The following KATNIP variants were observed in gnomAD, a reference collection of about 807,000 sequenced individuals.
KATNIP encodes katanin-interacting protein.
KATNIP carries 126 observed loss-of-function variants against 174.0 expected under a neutral mutation model. The observed-to-expected ratio is 0.72, with a 90% confidence interval of 0.63 to 0.84. The LOEUF (loss-of-function observed/expected upper bound fraction) is 0.84, where lower values mean the gene tolerates loss of function less well. Ranked by LOEUF, KATNIP falls within the 40% of genes least tolerant of loss-of-function variation. KATNIP has a pLI of 0.00. For missense variants in KATNIP, 1,958 were observed against 2,109.7 expected, an observed-to-expected ratio of 0.93 and a Z score of 1.41; for synonymous variants, 810 against 835.7, an observed-to-expected ratio of 0.97 and a Z score of 0.53.
intron 2 of KATNIP, among the ~76,000 whole-genome samples, chr16:27,592,270 C>CT (rs71137799): frequency 0.024 from 1,086 of 44,822 alleles, 119 homozygotes; most frequent in Non-Finnish European, 0.032. Flanking sequence ...GCATATATTA[C>CT]TTTTTTTTTT....
At position 27,700,917 on chromosome 16, in the gene KATNIP, C is replaced by G. The variant is rs946142277; in HGVS notation, c.1180-672C>G. On this transcript the variant is annotated intron_variant, in intron 10 of 27. Coordinates refer to ENST00000261588, the MANE Select transcript of KATNIP (RefSeq NM_015202.5). ...GTTTCTGACAGGCCTGCAGTAACTGCCCAGGTCCGGAATTTCTGAATGACC... is the reference window on the plus strand; with the variant it reads ...GTTTCTGACAGGCCTGCAGTAACTGGCCAGGTCCGGAATTTCTGAATGACC... 5.3e-5 allele frequency among the ~76,000 whole-genome samples: 8 copies of G among 152,134 alleles called. 1 individual carries two copies. The highest frequency in any genetic ancestry group is 5.2e-4 in the Admixed American group (8 of 15,284).
rs985154797 is a variant in KATNIP, at chr16:27,780,213, G to A, written c.*1584G>A. 6.6e-6 allele frequency: 1 copy of A among 152,076 alleles called. No individual in the cohort carries two copies. The highest frequency in any genetic ancestry group is 2.4e-5 in the African/African-American group (1 of 41,392). The allele number at this position is 152,076 out of a possible 1,614,324, so 9.4% of individuals were successfully genotyped here. A position where few individuals can be genotyped will look rare whatever the true frequency, so the allele number is the denominator to read the frequency against. On this transcript the variant is annotated 3_prime_UTR_variant, in exon 28 of 28. Coordinates refer to ENST00000261588, the MANE Select transcript of KATNIP (RefSeq NM_015202.5). Reference sequence around the variant, plus strand: ...TTTGTCAGGGAGATGGCACTAACACGACACAAGCTCACTCCCAGAACCGCA... The same window carrying A: ...TTTGTCAGGGAGATGGCACTAACACAACACAAGCTCACTCCCAGAACCGCA...
chr16:27,660,073 A>G, intron 6 of KATNIP: 1 of 915,742 alleles, frequency 1.1e-6, no homozygotes, highest in Non-Finnish European at 1.3e-6. Flanking sequence ...AGATTCCGCA[A>G]GCCTGGGAAG....
intron 14 of KATNIP, among the ~76,000 whole-genome samples, chr16:27,722,898 A>G (rs1204242068): frequency 6.6e-6 from 1 of 152,224 alleles, no homozygotes; most frequent in Non-Finnish European, 1.5e-5. Flanking sequence ...TTTTTAAACC[A>G]CCATACAATT....
chr16:27,633,241 A>G (rs2076542028), intron 5 of KATNIP, among the ~76,000 whole-genome samples: 2 of 151,862 alleles, frequency 1.3e-5, no homozygotes, highest in Admixed American at 1.3e-4. Flanking sequence ...TTTTCTTTTT[A>G]TTTCTCAGCC....
intron 6 of KATNIP, among the ~76,000 whole-genome samples, chr16:27,671,272 A>G (rs2077892604): frequency 6.6e-6 from 1 of 152,236 alleles, no homozygotes; most frequent in African/African-American, 2.4e-5. Flanking sequence ...CTACATGTAT[A>G]GAAATTAACA....
chr16:27,695,753 G>A (rs2078891717), intron 8 of KATNIP, among the ~76,000 whole-genome samples: 1 of 152,052 alleles, frequency 6.6e-6, no homozygotes, highest in Non-Finnish European at 1.5e-5. Context: ...AGAAATATTT[G>A]GAGCAGCTCT....
chr16:27,631,720 C>T (rs909989297), intron 5 of KATNIP, among the ~76,000 whole-genome samples: 1 of 152,072 alleles, frequency 6.6e-6, no homozygotes, highest in Non-Finnish European at 1.5e-5. Context: ...ACTCAGAGTC[C>T]CATCATGATG....
intron 5 of KATNIP, among the ~76,000 whole-genome samples, chr16:27,638,834 G>GC (rs1478460256): frequency 1.2e-5 from 1 of 85,162 alleles, no homozygotes; most frequent in Admixed American, 1.4e-4. Context: ...TGTCTTGCTG[G>GC]ATTTTTTTTT....
chr16:27,692,302 T>C (rs1181383116), intron 8 of KATNIP, among the ~76,000 whole-genome samples: 2 of 152,234 alleles, frequency 1.3e-5, no homozygotes, highest in African/African-American at 2.4e-5. Flanking sequence ...AACTGTGCTT[T>C]ACTACAGATG....
At chr16:27,621,658 A>G (rs1454237736) in intron 3 of KATNIP, among the ~76,000 whole-genome samples, 2 of 151,762 alleles carry the variant, frequency 1.3e-5, no homozygotes, top group African/African-American at 4.8e-5. Context: ...ACGATTCTGC[A>G]GGCTGTACAG....
rs910474535 is a variant in KATNIP at position 27,776,562 on chromosome 16, G to A, written c.4450-366G>A. 1.3e-5 allele frequency among the ~76,000 whole-genome samples: 2 copies of A among 152,130 alleles called. No homozygotes were observed. The highest frequency in any genetic ancestry group is 2.4e-5 in the African/African-American group (1 of 41,436). ...GATCACCATGGCTGGTGCTCAACCC[G>A]AGTTGGGGACTGTCCCTTTAGCTCA... is the stretch of plus-strand genomic sequence containing the variant. On this transcript the variant is annotated intron_variant, in intron 24 of 27. Coordinates refer to ENST00000261588, the MANE Select transcript of KATNIP (RefSeq NM_015202.5). The surrounding 1 kb of genome is among the most constrained non-coding windows in gnomAD (Gnocchi z 4.7).
chr16:27,557,454 C>CA lies in KATNIP; in HGVS notation c.7+7278dup, dbSNP rs2089678161. 3.9e-5 allele frequency among the ~76,000 whole-genome samples: 5 copies of CA among 129,742 alleles called. No individual in the cohort carries two copies. The East Asian group carries it at 9.1e-4, about 24-fold the overall frequency. 85.1% of individuals were successfully genotyped at this position (129,742 alleles called of 152,430 possible). A position where few individuals can be genotyped will look rare whatever the true frequency, so the allele number is the denominator to read the frequency against. ...GATTTTTTTTTTTTTTTTTTTGAGA[C>CA]AGAGTCTTGCTCTGTTGCCCAGGCT... On this transcript the variant is annotated intron_variant, in intron 1 of 27. Coordinates refer to ENST00000261588, the MANE Select transcript of KATNIP (RefSeq NM_015202.5).
chr16:27,728,721 C>T lies in KATNIP; in HGVS notation c.1743+7026C>T, dbSNP rs140675037. ...CTGGGATTTACAGGCATGAACCGCTCGGCCCAGCCACATTCAGCCTTTAAA... is the reference window on the plus strand; with the variant it reads ...CTGGGATTTACAGGCATGAACCGCTTGGCCCAGCCACATTCAGCCTTTAAA... On this transcript the variant is annotated intron_variant, in intron 14 of 27. Coordinates refer to ENST00000261588, the MANE Select transcript of KATNIP (RefSeq NM_015202.5). Among the ~76,000 whole-genome samples, 1,028 of 152,300 alleles carry T rather than the reference C, an allele frequency of 6.7e-3. 6 individuals carry two copies. The highest frequency in any genetic ancestry group is 0.023 in the African/African-American group (967 of 41,572).
At chr16:27,766,198 C>T in intron 19 of KATNIP, 111 bp from the exon 20 acceptor site, 1 of 1,129,842 alleles carries the variant, frequency 8.9e-7, no homozygotes, top group Non-Finnish European at 1.3e-6. Flanking sequence ...CACAGCCAGG[C>T]TAGTGCCAGG....
chr16:27,748,018 T>G (rs543848967), intron 15 of KATNIP, among the ~76,000 whole-genome samples: 2 of 152,146 alleles, frequency 1.3e-5, no homozygotes, highest in East Asian at 3.9e-4. Flanking sequence ...CAGGGCACAG[T>G]GCGATATGAA....
chr16:27,640,500 G>T (rs1454928625), intron 5 of KATNIP, among the ~76,000 whole-genome samples: 1 of 152,104 alleles, frequency 6.6e-6, no homozygotes, highest in African/African-American at 2.4e-5. Context: ...AGCCTCCCTG[G>T]GGCTGGGGGC....
intron 14 of KATNIP, among the ~76,000 whole-genome samples, chr16:27,726,161 G>A (rs145608956): frequency 6.6e-6 from 1 of 152,302 alleles, no homozygotes; most frequent in African/African-American, 2.4e-5. Context: ...TTGCACATGC[G>A]AAGGATCTAG....
chr16:27,681,583 T>C (rs2078344583), intron 8 of KATNIP, 53 bp downstream of exon 8: 1 of 1,608,446 alleles, frequency 6.2e-7, no homozygotes, highest in Non-Finnish European at 8.5e-7. Flanking sequence ...ACTGGGTCAC[T>C]CTCTGGGGTG....
Sources: gnomAD v4.1 joint callset for allele counts (sites outside exome capture counted in the v4.1 genomes callset) on GRCh38, gnomAD v4.1.1 for gene constraint, Gnocchi (gnomAD v3.1) non-coding constraint, MANE v1.5 for transcripts, NCBI Gene and HGNC (gene_info 2026-07-23, HGNC 2026-07-21) for gene names.